Variants in HS2ST1 observed in about 807,000 individuals in gnomAD.
HS2ST1 encodes the protein 2-O-sulfotransferase.
Under a neutral mutation model 42.9 loss-of-function variants are expected in HS2ST1, and 18 were observed. The ratio of observed to expected loss-of-function variants is 0.42; its 90% CI spans 0.29 to 0.62. HS2ST1 has a LOEUF of 0.62. HS2ST1 is among the 20% of genes least tolerant of loss of function. The pLI is 0.21. For synonymous variants in HS2ST1, 146 were observed against 152.9 expected (o/e 0.95, Z 0.33); for missense variants, 334 against 433.8 (o/e 0.77, Z 2.04).
rs370184453 is a variant in HS2ST1 at position 86,954,209 on chromosome 1, C to T, written c.124+39049C>T. ...TCTAAAAATACAAAAATCAGCCTGG[C>T]GTGGTGGCACACACCTGTAGTCCTA... is the stretch of plus-strand genomic sequence containing the variant. On this transcript the variant is annotated intron_variant, in intron 1 of 6. Transcript: ENST00000370550. Among the ~76,000 whole-genome samples, 117 of 151,994 alleles carry T rather than the reference C, an allele frequency of 7.7e-4. 3 individuals carry two copies. The South Asian group carries it at 0.023, about 29-fold the overall frequency.
At chr1:86,973,456 TA>T (rs1648297517) in intron 1 of HS2ST1, among the ~76,000 whole-genome samples, 1 of 152,180 alleles carries the variant, frequency 6.6e-6, no homozygotes, top group South Asian at 2.1e-4. Context: ...TTTCAAACCC[TA>T]AATTCTAATC....
intron 1 of HS2ST1, among the ~76,000 whole-genome samples, chr1:86,975,015 T>G (rs1331204143): frequency 6.6e-6 from 1 of 152,170 alleles, no homozygotes; most frequent in Non-Finnish European, 1.5e-5. Flanking sequence ...TATTCTTCCC[T>G]TTGCAACCAC....
intron 1 of HS2ST1, among the ~76,000 whole-genome samples, chr1:87,040,038 A>T (rs1462843307): frequency 6.6e-6 from 1 of 152,218 alleles, no homozygotes; most frequent in Non-Finnish European, 1.5e-5. Flanking sequence ...ATTAAGAAGG[A>T]ACAAAAGTAG....
chr1:86,924,310 G>A (rs1660366383), intron 1 of HS2ST1, among the ~76,000 whole-genome samples: 1 of 152,232 alleles, frequency 6.6e-6, no homozygotes, highest in Non-Finnish European at 1.5e-5. Context: ...GGCTGGCATT[G>A]AGTGTCTGTG....
chr1:86,972,444 A>G (rs1648259872), intron 1 of HS2ST1, among the ~76,000 whole-genome samples: 1 of 152,128 alleles, frequency 6.6e-6, no homozygotes, highest in Non-Finnish European at 1.5e-5. Context: ...CTTGAACTCT[A>G]GGGCTCAAGC....
intron 3 of HS2ST1, among the ~76,000 whole-genome samples, chr1:87,086,546 T>C (rs536613058): frequency 6.6e-6 from 1 of 152,212 alleles, no homozygotes; most frequent in South Asian, 2.1e-4. Flanking sequence ...ACTTACCTTA[T>C]CAGAGACATT....
At chr1:86,963,697 G>A (rs546960083) in intron 1 of HS2ST1, among the ~76,000 whole-genome samples, 8 of 151,926 alleles carry the variant, frequency 5.3e-5, no homozygotes, top group South Asian at 4.1e-4. Flanking sequence ...GGTGACAGCC[G>A]GGCAGAGGGG....
chr1:87,003,513 T>G (rs1310564832), intron 1 of HS2ST1, among the ~76,000 whole-genome samples: 5 of 152,154 alleles, frequency 3.3e-5, no homozygotes, highest in African/African-American at 1.2e-4. Context: ...ATATTCTGGG[T>G]TTGTGTTAGA....
At chr1:87,014,827 T>C (rs1260996090) in intron 1 of HS2ST1, among the ~76,000 whole-genome samples, 1 of 152,220 alleles carries the variant, frequency 6.6e-6, no homozygotes, top group Non-Finnish European at 1.5e-5. Context: ...CCAAGGATAA[T>C]CATTTTAAAA....
intron 1 of HS2ST1, among the ~76,000 whole-genome samples, chr1:86,995,529 T>A (rs1649072538): frequency 6.6e-6 from 1 of 152,210 alleles, no homozygotes; most frequent in South Asian, 2.1e-4. Context: ...GGGATTGAGC[T>A]GTTAGAAATA....
At chr1:87,009,800 C>T (rs1190156748) in intron 1 of HS2ST1, among the ~76,000 whole-genome samples, 2 of 151,824 alleles carry the variant, frequency 1.3e-5, no homozygotes, top group South Asian at 2.1e-4. Context: ...TTTGGGAGGC[C>T]GAGGCGGGTG....
At chr1:87,095,993 TTTTTG>T (rs1209297938) in intron 4 of HS2ST1, among the ~76,000 whole-genome samples, 2 of 151,792 alleles carry the variant, frequency 1.3e-5, no homozygotes, top group African/African-American at 2.4e-5. Context: ...ATTTTCTGTT[TTTTTG>T]TTTTGTTTTG....
intron 1 of HS2ST1, among the ~76,000 whole-genome samples, chr1:86,968,943 G>A (rs1648148387): frequency 6.6e-6 from 1 of 152,154 alleles, no homozygotes; most frequent in Non-Finnish European, 1.5e-5. Context: ...GAGTAGTGTA[G>A]AAAACGGAAT....
At chr1:86,993,549 T>A (rs1649018257) in intron 1 of HS2ST1, among the ~76,000 whole-genome samples, 15 of 152,218 alleles carry the variant, frequency 9.9e-5, no homozygotes, top group Admixed American at 9.8e-4. Flanking sequence ...TCTATATAGA[T>A]AGTGTCCTTG....
At chr1:86,976,217 A>T (rs1427376057) in intron 1 of HS2ST1, among the ~76,000 whole-genome samples, 1 of 152,232 alleles carries the variant, frequency 6.6e-6, no homozygotes, top group Non-Finnish European at 1.5e-5. Context: ...AGAACTTGTC[A>T]GTCATTGTAG....
At chr1:87,097,496 C>T (rs1652096147) in intron 4 of HS2ST1, among the ~76,000 whole-genome samples, 3 of 152,132 alleles carry the variant, frequency 2.0e-5, no homozygotes, top group Admixed American at 2.0e-4. Flanking sequence ...TGGGTTCAAG[C>T]GATTCTCCCG....
At chr1:86,978,015 C>G (rs1648471771) in intron 1 of HS2ST1, among the ~76,000 whole-genome samples, 1 of 152,134 alleles carries the variant, frequency 6.6e-6, no homozygotes, top group Non-Finnish European at 1.5e-5. Context: ...TTATACCTGT[C>G]ATAACTTGTA....
intron 2 of HS2ST1, among the ~76,000 whole-genome samples, chr1:87,081,819 CT>C (rs1221070129): frequency 6.6e-6 from 1 of 151,806 alleles, no homozygotes; most frequent in Non-Finnish European, 1.5e-5. Flanking sequence ...AACCCCGTCT[CT>C]ACTTAAAAAT....
At chr1:87,048,222 C>T (rs1650737297) in intron 1 of HS2ST1, among the ~76,000 whole-genome samples, 1 of 152,066 alleles carries the variant, frequency 6.6e-6, no homozygotes, top group East Asian at 1.9e-4. Context: ...TAGTAATATA[C>T]AATTGATTTA....
Sources: gnomAD v4.1 joint callset for allele counts (sites outside exome capture counted in the v4.1 genomes callset) on GRCh38, gnomAD v4.1.1 for gene constraint, MANE v1.5 for transcripts, NCBI Gene and HGNC (gene_info 2026-07-23, HGNC 2026-07-21) for gene names.